The following SERPING1 variants were observed in gnomAD, a reference collection of about 807,000 sequenced individuals.
SERPING1 encodes the protein serpin family G member 1.
In SERPING1, 5 loss-of-function variants were observed where a neutral mutation model predicts 34.1. That is an observed-to-expected ratio of 0.15 (90% CI 0.08 to 0.31). The LOEUF (loss-of-function observed/expected upper bound fraction) is 0.31. Ranked by LOEUF, SERPING1 falls within the 10% of genes least tolerant of loss-of-function variation. The probability of loss-of-function intolerance (pLI) is 1.00; values close to 1 mark genes in which losing one functional copy is unlikely to be tolerated. For synonymous variants in SERPING1, 225 were observed against 242.4 expected (o/e 0.93, Z 0.67); for missense variants, 505 against 609.5 (o/e 0.83, Z 1.81).
intron 2 of SERPING1, among the ~76,000 whole-genome samples, chr11:57,599,347 T>G (rs1356105387): frequency 6.6e-6 from 1 of 152,032 alleles, no homozygotes; most frequent in Non-Finnish European, 1.5e-5. Flanking sequence ...ACTACTTCTC[T>G]CTCCCTCCCT....
chr11:57,598,347 G>T, intron 2 of SERPING1, 26 bp downstream of exon 2: 1 of 1,549,036 alleles, frequency 6.5e-7, no homozygotes. Flanking sequence ...TGGGATGGGG[G>T]ACGGGGGTGG....
At chr11:57,608,731 A>T (rs1003598666) in intron 6 of SERPING1, among the ~76,000 whole-genome samples, 1 of 151,166 alleles carries the variant, frequency 6.6e-6, no homozygotes, top group Non-Finnish European at 1.5e-5. Context: ...CAGGCTGGTC[A>T]TGAACTCCTG....
At chr11:57,608,704 G>A (rs1945440368) in intron 6 of SERPING1, among the ~76,000 whole-genome samples, 1 of 151,866 alleles carries the variant, frequency 6.6e-6, no homozygotes, top group African/African-American at 2.4e-5. Flanking sequence ...GTAGAGATGG[G>A]GTTTCACCAT....
At chr11:57,614,278 G>A in intron 7 of SERPING1, 50 bp from the exon 8 acceptor site, 1 of 1,607,194 alleles carries the variant, frequency 6.2e-7, no homozygotes, top group Non-Finnish European at 8.5e-7. Flanking sequence ...TCCATCAGCT[G>A]AGGGTATCAT....
rs1363875993 is a variant in SERPING1 at position 57,606,302 on chromosome 11, A to AT, written c.889+90dup. On this transcript the variant is annotated intron_variant, in intron 5 of 7. Transcript: ENST00000278407. ...AGCCCACTTAACCCCAAGTTCTACA[A>AT]TCGGATCTCAATGTCCCTGCACTAC... 3.1e-6 allele frequency: 5 copies of AT among 1,596,494 alleles called. No homozygotes were observed. In the African/African-American group the frequency reaches 5.4e-5, roughly 17 times the overall value.
At chr11:57,600,456 C>A in intron 3 of SERPING1, 79 bp downstream of exon 3, 1 of 1,517,608 alleles carries the variant, frequency 6.6e-7, no homozygotes, top group Non-Finnish European at 9.1e-7. Flanking sequence ...ACTTACAAAG[C>A]CATGCCTCTG....
chr11:57,604,344 A>T (rs1334610711), intron 4 of SERPING1, among the ~76,000 whole-genome samples: 1 of 152,174 alleles, frequency 6.6e-6, no homozygotes, highest in Non-Finnish European at 1.5e-5. Context: ...TAATGATAAT[A>T]CTAATAATAA....
At chr11:57,607,932 T>C (rs973232517) in intron 6 of SERPING1, among the ~76,000 whole-genome samples, 3 of 152,210 alleles carry the variant, frequency 2.0e-5, no homozygotes, top group South Asian at 2.1e-4. Context: ...GGGCTGGGAT[T>C]ACAGGCATGA....
At position 57,611,901 on chromosome 11, in the gene SERPING1, C is replaced by A. The variant is rs777750972; in HGVS notation, c.1214C>A (p.Thr405Asn). The A allele has an allele frequency of 4.6e-5, 75 of 1,614,022 alleles. No individual in the cohort carries two copies. The highest frequency in any genetic ancestry group is 6.3e-5 in the Non-Finnish European group (74 of 1,180,040). Residue 405 changes from threonine to asparagine, a missense_variant, in exon 7 of 8, where the codon ACC (threonine) becomes AAC (asparagine). Transcript: ENST00000278407. Reference protein sequence around the residue: ...LLTLPRIKVTTSQDMLSIMEK... With the variant: ...LLTLPRIKVTNSQDMLSIMEK... ...ACACTACCCCGCATCAAAGTGACGA[C>A]CAGCCAGGATATGCTCTCAATCATG... is the stretch of plus-strand genomic sequence containing the variant.
At chr11:57,602,216 G>A in intron 4 of SERPING1, 47 bp downstream of exon 4, 1 of 1,609,686 alleles carries the variant, frequency 6.2e-7, no homozygotes, top group South Asian at 1.1e-5. Context: ...GGTCCTGAGA[G>A]GACTCTGAAG....
At chr11:57,603,972 A>G (rs1268780730) in intron 4 of SERPING1, among the ~76,000 whole-genome samples, 1 of 152,090 alleles carries the variant, frequency 6.6e-6, no homozygotes, top group Non-Finnish European at 1.5e-5. Context: ...CAACACCAGG[A>G]AACCCTGTCT....
At position 57,598,231 on chromosome 11, in the gene SERPING1, G is replaced by A; in HGVS notation, c.-22-18G>A. The A allele has an allele frequency of 1.0e-5, 16 of 1,538,606 alleles. No individual in the cohort carries two copies. Among genetic ancestry groups the A allele is most frequent in the Non-Finnish European group, 1.3e-5 (15 of 1,138,246 alleles). On this transcript the variant is annotated intron_variant, in intron 1 of 7. Transcript: ENST00000278407. ...CTCCCAGGGTGGGAGCTGGCTCCGA[G>A]GCTGGCTGGCTCCGCAGGTCCGCTG...
chr11:57,612,944 A>G (rs1945496941), intron 7 of SERPING1, among the ~76,000 whole-genome samples: 1 of 150,920 alleles, frequency 6.6e-6, no homozygotes, highest in African/African-American at 2.4e-5. Context: ...ATGGGGTTTC[A>G]CCATGTTGGT....
chr11:57,602,579 AC>A (rs1353981160), intron 4 of SERPING1, among the ~76,000 whole-genome samples: 1 of 151,530 alleles, frequency 6.6e-6, no homozygotes, highest in Admixed American at 6.6e-5. Context: ...ACATGGTGAA[AC>A]CCTGTCTCTA....
At chr11:57,602,191 G>A (rs753147771) in intron 4 of SERPING1, 22 bp downstream of exon 4, 6 of 1,613,790 alleles carry the variant, frequency 3.7e-6, no homozygotes, top group African/African-American at 1.3e-5. Context: ...GGAATGGGCA[G>A]TGTCTGCAGA....
In SERPING1 at chr11:57,600,235, T is replaced by C; in HGVS notation, c.408T>C (p.His136=). 6.2e-7 allele frequency: 1 copy of C among 1,614,004 alleles called. No homozygotes were observed. Among genetic ancestry groups the C allele is most frequent in the Non-Finnish European group, 8.5e-7 (1 of 1,180,002 alleles). The change falls in exon 3 of 8, where the codon CAT becomes CAC. Residue 136 remains histidine, a synonymous_variant. Coordinates refer to ENST00000278407, the MANE Select transcript of SERPING1 (RefSeq NM_000062.3). ...PVTLCSDLES[H]STEAVLGDAL... ...CTCTCTGCTCTGACTTGGAGAGTCA[T>C]TCAACAGAGGCCGTGTTGGGGGATG...
chr11:57,609,844 T>C (rs1300909030), intron 6 of SERPING1, among the ~76,000 whole-genome samples: 1 of 152,202 alleles, frequency 6.6e-6, no homozygotes, highest in Non-Finnish European at 1.5e-5. Flanking sequence ...TCACTTACTG[T>C]AACCTCAAGC....
Position 57,606,560 on chromosome 11 carries a change from C to G in SERPING1, c.1029+13C>G. Reference sequence around the variant, plus strand: ...TTTGAAAGCCAAGGTAAGTTCTTAACCTTTCCTTCTCCTGTTTGAAACCTA... The same window carrying G: ...TTTGAAAGCCAAGGTAAGTTCTTAAGCTTTCCTTCTCCTGTTTGAAACCTA... On this transcript the variant is annotated intron_variant, in intron 6 of 7. Transcript: ENST00000278407. 1 of 1,613,868 alleles carries G rather than the reference C, an allele frequency of 6.2e-7. No individual in the cohort carries two copies. The highest frequency in any genetic ancestry group is 1.1e-5 in the South Asian group (1 of 91,078).
intron 6 of SERPING1, among the ~76,000 whole-genome samples, chr11:57,609,292 G>T (rs1451264006): frequency 1.3e-5 from 2 of 151,556 alleles, no homozygotes; most frequent in East Asian, 3.9e-4. Context: ...CACAAAAAAA[G>T]AATAGGCTGG....
Sources: allele counts gnomAD v4.1 joint callset (sites outside exome capture counted in the v4.1 genomes callset), GRCh38; gene constraint gnomAD v4.1.1; transcripts MANE v1.5; gene names NCBI Gene and HGNC (gene_info 2026-07-23, HGNC 2026-07-21).